The following CDH18 variants were observed in gnomAD, a reference collection of about 807,000 sequenced individuals.
The protein encoded by CDH18 is cadherin-18.
Under a neutral mutation model 67.9 loss-of-function variants are expected in CDH18, and 31 were observed. That is an observed-to-expected ratio of 0.46 (90% confidence interval 0.34 to 0.62). The LOEUF is 0.62. CDH18 is among the 20% of genes least tolerant of loss of function. CDH18 has a pLI of 0.01. For synonymous variants in CDH18, 362 were observed against 347.2 expected (o/e 1.04, Z -0.48); for missense variants, 890 against 975.5 (o/e 0.91, Z 1.17).
chr5:20,516,215 T>C (rs1367424814), intron 1 of CDH18, among the ~76,000 whole-genome samples: 1 of 152,036 alleles, frequency 6.6e-6, no homozygotes, highest in Non-Finnish European at 1.5e-5. Flanking sequence ...AAATAGAATT[T>C]GCTGTAGAGA....
chr5:20,028,005 AAT>A (rs1183982849), intron 2 of CDH18, among the ~76,000 whole-genome samples: 1 of 152,170 alleles, frequency 6.6e-6, no homozygotes, highest in Non-Finnish European at 1.5e-5. Flanking sequence ...CTACTACAAA[AAT>A]AGTTTTATTT....
intron 1 of CDH18, among the ~76,000 whole-genome samples, chr5:20,418,697 CTT>C (rs1560982598): frequency 6.6e-6 from 1 of 151,850 alleles, no homozygotes; most frequent in Admixed American, 6.6e-5. Context: ...TGTAAGACAA[CTT>C]AAGTTTAACT....
intron 2 of CDH18, among the ~76,000 whole-genome samples, chr5:20,077,945 T>A (rs2150535610): frequency 6.6e-6 from 1 of 152,340 alleles, no homozygotes. Context: ...TATTTTTCAA[T>A]GAAATGTCAA....
intron 5 of CDH18, among the ~76,000 whole-genome samples, chr5:19,624,909 C>A (rs149176901): frequency 8.9e-4 from 136 of 152,160 alleles, no homozygotes; most frequent in Non-Finnish European, 1.6e-3. Context: ...ATTCCTTTAT[C>A]CTGAGAGCTG....
At chr5:20,278,488 C>A (rs1444205310) in intron 1 of CDH18, among the ~76,000 whole-genome samples, 1 of 151,764 alleles carries the variant, frequency 6.6e-6, no homozygotes, top group Non-Finnish European at 1.5e-5. Context: ...CAATATAAGA[C>A]CTATCCTACA....
At chr5:20,564,260 T>TTTATTTATTTATTTATTTA in intron 1 of CDH18, among the ~76,000 whole-genome samples, 1 of 141,596 alleles carries the variant, frequency 7.1e-6, no homozygotes, top group African/African-American at 2.6e-5. Flanking sequence ...ATTATCACAG[T>TTTATTTATTTATTTATTTA]TTTATTTATT....
At chr5:19,816,708 T>A (rs1299895618) in intron 3 of CDH18, among the ~76,000 whole-genome samples, 1 of 151,784 alleles carries the variant, frequency 6.6e-6, no homozygotes, top group Non-Finnish European at 1.5e-5. Context: ...CACTGCTGCA[T>A]CATTCTTTTT....
intron 5 of CDH18, among the ~76,000 whole-genome samples, chr5:19,701,491 G>A (rs1763236479): frequency 6.6e-6 from 1 of 152,046 alleles, no homozygotes; most frequent in Non-Finnish European, 1.5e-5. Context: ...GAGTTATGAG[G>A]AATTTGGAGG....
At chr5:19,844,729 G>T (rs540463111) in intron 2 of CDH18, among the ~76,000 whole-genome samples, 129 of 152,312 alleles carry the variant, frequency 8.5e-4, no homozygotes, top group Non-Finnish European at 1.6e-3. Flanking sequence ...CCCAAGTATA[G>T]TGATGGTGAG....
chr5:20,058,162 T>C (rs1373364787), intron 2 of CDH18, among the ~76,000 whole-genome samples: 1 of 152,160 alleles, frequency 6.6e-6, no homozygotes, highest in African/African-American at 2.4e-5. Context: ...TTTATCTTTC[T>C]TTCCTAAATG....
chr5:20,519,007 A>G (rs1755551779), intron 1 of CDH18, among the ~76,000 whole-genome samples: 1 of 152,194 alleles, frequency 6.6e-6, no homozygotes, highest in South Asian at 2.1e-4. Context: ...ATATATTAGT[A>G]TTTAGAAAAC....
chr5:20,419,462 G>GTTTTTTTTTTTTTT lies in CDH18; in HGVS notation c.-580+155986_-580+155999dup, dbSNP rs202130030. Among the ~76,000 whole-genome samples, 8 of 75,660 alleles carry GTTTTTTTTTTTTTT rather than the reference G, an allele frequency of 1.1e-4. 1 individual carries two copies. The highest frequency in any genetic ancestry group is 4.2e-4 in the African/African-American group (7 of 16,474). 49.6% of individuals were successfully genotyped at this position (75,660 alleles called of 152,430 possible). A position where few individuals can be genotyped will look rare whatever the true frequency, so the allele number is the denominator to read the frequency against. On this transcript the variant is annotated intron_variant, in intron 1 of 14. Transcript: ENST00000507958. ...CCAACCACCCAGGGTATGGGACTCTGTTTTTTTTTTTTTTTTTTTTTTTTT... is the reference window on the plus strand; with the variant it reads ...CCAACCACCCAGGGTATGGGACTCTGTTTTTTTTTTTTTTTTTTTTTTTTTTTTTTTTTTTTTTT...
chr5:20,483,530 TATA>T (rs544431868), intron 1 of CDH18, among the ~76,000 whole-genome samples: 186 of 151,888 alleles, frequency 1.2e-3, no homozygotes, highest in Admixed American at 2.6e-3. Flanking sequence ...ACTATAAAGT[TATA>T]ATAACCAAAA....
chr5:20,267,255 C>T (rs1745111266), intron 1 of CDH18, among the ~76,000 whole-genome samples: 1 of 152,206 alleles, frequency 6.6e-6, no homozygotes, highest in South Asian at 2.1e-4. Context: ...ATATGTGGCT[C>T]CATTTCTGGA....
chr5:20,430,198 AATT>A (rs1238622320), intron 1 of CDH18, among the ~76,000 whole-genome samples: 1 of 152,162 alleles, frequency 6.6e-6, no homozygotes, highest in Non-Finnish European at 1.5e-5. Flanking sequence ...AAAATTTTAA[AATT>A]ATTAACAGCG....
intron 2 of CDH18, among the ~76,000 whole-genome samples, chr5:20,252,714 G>T (rs1293803026): frequency 6.6e-6 from 1 of 151,982 alleles, no homozygotes; most frequent in African/African-American, 2.4e-5. Flanking sequence ...GAGGCGGGCG[G>T]ATCACGAGGC....
At chr5:19,866,607 T>C (rs2150002504) in intron 2 of CDH18, among the ~76,000 whole-genome samples, 1 of 152,182 alleles carries the variant, frequency 6.6e-6, no homozygotes, top group Non-Finnish European at 1.5e-5. Context: ...GAAAAAGAAA[T>C]CCCTATTCTG....
At chr5:19,751,136 T>A (rs1404909462) in intron 3 of CDH18, among the ~76,000 whole-genome samples, 1 of 152,170 alleles carries the variant, frequency 6.6e-6, no homozygotes, top group Non-Finnish European at 1.5e-5. Flanking sequence ...CCAGCGTGAC[T>A]CACATGAGTT....
intron 2 of CDH18, among the ~76,000 whole-genome samples, chr5:20,042,492 G>A (rs529755281): frequency 1.3e-5 from 2 of 152,138 alleles, no homozygotes; most frequent in South Asian, 4.1e-4. Context: ...TTGGAGTCAG[G>A]AGACATTTTT....
Sources: allele counts gnomAD v4.1 joint callset (sites outside exome capture counted in the v4.1 genomes callset), GRCh38; gene constraint gnomAD v4.1.1; transcripts MANE v1.5; gene names NCBI Gene and HGNC (gene_info 2026-07-23, HGNC 2026-07-21).